Variants in DLC1 observed in about 807,000 individuals in gnomAD.
DLC1 encodes the protein DLC1 Rho GTPase activating protein.
In DLC1, 54 loss-of-function variants were observed where a neutral mutation model predicts 140.3. The ratio of observed to expected loss-of-function variants is 0.38; its 90% confidence interval spans 0.31 to 0.48. The LOEUF is 0.48. DLC1 is among the 20% of genes least tolerant of loss of function. DLC1 has a pLI of 0.96. For synonymous variants in DLC1, 986 were observed against 728.1 expected (o/e 1.35, Z -5.70); for missense variants, 2,536 against 1,907.0 (o/e 1.33, Z -6.14).
chr8:13,306,243 T>C (rs570208773), intron 4 of DLC1, among the ~76,000 whole-genome samples: 5 of 152,318 alleles, frequency 3.3e-5, no homozygotes, highest in Non-Finnish European at 7.4e-5. Flanking sequence ...ATCACTGTTA[T>C]GATTTTTAAA....
intron 5 of DLC1, among the ~76,000 whole-genome samples, chr8:13,196,576 T>C (rs1256536209): frequency 2.0e-5 from 3 of 152,214 alleles, no homozygotes; most frequent in Non-Finnish European, 2.9e-5. Context: ...TGTGGTTCTA[T>C]GATTCTTAAT....
intron 5 of DLC1, among the ~76,000 whole-genome samples, chr8:13,140,502 G>C: frequency 6.6e-6 from 1 of 152,026 alleles, no homozygotes; most frequent in Non-Finnish European, 1.5e-5. Flanking sequence ...CAAAGTGCTG[G>C]GATTACAGGT....
intron 5 of DLC1, among the ~76,000 whole-genome samples, chr8:13,231,291 T>C (rs1408802039): frequency 6.6e-6 from 1 of 152,166 alleles, no homozygotes; most frequent in African/African-American, 2.4e-5. Context: ...TTATGTTTAA[T>C]GTTTTCATGT....
chr8:13,120,694 C>T (rs1391185356), intron 5 of DLC1, among the ~76,000 whole-genome samples: 2 of 151,990 alleles, frequency 1.3e-5, no homozygotes, highest in South Asian at 2.1e-4. Flanking sequence ...AGACAAATGC[C>T]GTAAGGAGGA....
chr8:13,120,035 T>C (rs916470943), intron 5 of DLC1, among the ~76,000 whole-genome samples: 2 of 151,820 alleles, frequency 1.3e-5, no homozygotes, highest in Non-Finnish European at 2.9e-5. Context: ...GACAGGTTCT[T>C]CCCTTTAAAA....
chr8:13,196,175 T>A (rs1171120324), intron 5 of DLC1, among the ~76,000 whole-genome samples: 1 of 151,718 alleles, frequency 6.6e-6, no homozygotes, highest in African/African-American at 2.4e-5. Context: ...TATCTCTGAT[T>A]AGGGGAAGGA....
At chr8:13,402,467 C>T (rs1487441631) in intron 2 of DLC1, among the ~76,000 whole-genome samples, 4 of 152,290 alleles carry the variant, frequency 2.6e-5, no homozygotes, top group Non-Finnish European at 5.9e-5. Flanking sequence ...AAAAAAAATA[C>T]TGTAGAAAGC....
intron 5 of DLC1, among the ~76,000 whole-genome samples, chr8:13,126,000 T>C (rs1821527935): frequency 6.6e-6 from 1 of 151,924 alleles, no homozygotes; most frequent in Non-Finnish European, 1.5e-5. Flanking sequence ...TCTTTGGGGA[T>C]CATCTAGTAC....
intron 5 of DLC1, among the ~76,000 whole-genome samples, chr8:13,229,522 C>T (rs1288253955): frequency 6.6e-6 from 1 of 151,940 alleles, no homozygotes; most frequent in Non-Finnish European, 1.5e-5. Context: ...AATTACACAA[C>T]TCCATGAATG....
At chr8:13,154,468 G>T (rs974591394) in intron 5 of DLC1, among the ~76,000 whole-genome samples, 1 of 152,216 alleles carries the variant, frequency 6.6e-6, no homozygotes, top group African/African-American at 2.4e-5. Flanking sequence ...CCCAGGGCCG[G>T]CGGTGCCGGC....
chr8:13,151,955 G>A (rs1823851872), intron 5 of DLC1, among the ~76,000 whole-genome samples: 1 of 152,202 alleles, frequency 6.6e-6, no homozygotes, highest in Admixed American at 6.5e-5. Flanking sequence ...TGCAGGAACA[G>A]ATCTCTGCGA....
intron 5 of DLC1, among the ~76,000 whole-genome samples, chr8:13,272,420 G>A (rs1199988197): frequency 1.3e-5 from 2 of 152,102 alleles, no homozygotes; most frequent in African/African-American, 2.4e-5. Flanking sequence ...CAGCCTGGGC[G>A]ACAGAGTGAA....
At chr8:13,551,484 C>T (rs1001620976) in intron 1 of DLC1, among the ~76,000 whole-genome samples, 3 of 152,024 alleles carry the variant, frequency 2.0e-5, no homozygotes, top group Admixed American at 1.3e-4. Context: ...CTCTCTTTCC[C>T]TCCAACCTCT....
At chr8:13,558,917 C>T (rs1390337226) in intron 1 of DLC1, 1 of 152,128 alleles carries the variant, frequency 6.6e-6, no homozygotes, top group Non-Finnish European at 1.5e-5. Flanking sequence ...AAATGATTGG[C>T]TTTAGGGGAT....
chr8:13,233,519 G>A (rs148893317), intron 5 of DLC1, among the ~76,000 whole-genome samples: 1 of 151,860 alleles, frequency 6.6e-6, no homozygotes, highest in East Asian at 1.9e-4. Flanking sequence ...TATTTTAAGG[G>A]CCGAATATTA....
chr8:13,278,561 A>G (rs1053486073), intron 5 of DLC1, among the ~76,000 whole-genome samples: 5 of 152,234 alleles, frequency 3.3e-5, no homozygotes, highest in Admixed American at 3.3e-4. Flanking sequence ...AGCATGTTCC[A>G]ATGTTACAGG....
chr8:13,433,278 C>T (rs1419765814), intron 2 of DLC1, among the ~76,000 whole-genome samples: 2 of 152,094 alleles, frequency 1.3e-5, no homozygotes, highest in African/African-American at 4.8e-5. Context: ...GAGGCTCTTA[C>T]TGAAAATGTG....
intron 2 of DLC1, among the ~76,000 whole-genome samples, chr8:13,407,017 A>T (rs535626473): frequency 1.3e-5 from 2 of 152,308 alleles, no homozygotes; most frequent in Middle Eastern, 3.4e-3. Context: ...CAAAGTTTAG[A>T]TAATATATGT....
At chr8:13,391,353 C>A (rs1262125672) in intron 4 of DLC1, among the ~76,000 whole-genome samples, 2 of 152,180 alleles carry the variant, frequency 1.3e-5, no homozygotes, top group Non-Finnish European at 2.9e-5. Context: ...TGACAAGTCA[C>A]ACCTGAACAG....
Sources: allele counts gnomAD v4.1 joint callset (sites outside exome capture counted in the v4.1 genomes callset), GRCh38; gene constraint gnomAD v4.1.1; transcripts MANE v1.5; gene names NCBI Gene and HGNC (gene_info 2026-07-23, HGNC 2026-07-21).